Variants in DYSF observed in about 807,000 individuals in gnomAD.
DYSF encodes dystrophy-associated fer-1-like 1.
In DYSF, 212 loss-of-function variants were observed where a neutral mutation model predicts 274.9. The ratio of observed to expected loss-of-function variants is 0.77; its 90% CI spans 0.69 to 0.86. DYSF has a LOEUF of 0.86. DYSF is among the 40% of genes least tolerant of loss of function. DYSF has a pLI of 0.00. For synonymous variants in DYSF, 1,091 were observed against 1,078.7 expected (o/e 1.01, Z -0.22); for missense variants, 2,666 against 2,783.2 (o/e 0.96, Z 0.95).
chr2:71,470,204 T>A (rs1233181741), intron 1 of DYSF, among the ~76,000 whole-genome samples: 2 of 152,150 alleles, frequency 1.3e-5, no homozygotes, highest in African/African-American at 4.8e-5. Context: ...TCTTCTCTTC[T>A]TGATCTCCTG....
chr2:71,668,906 G>T, intron 49 of DYSF, 64 bp downstream of exon 49: 2 of 1,516,406 alleles, frequency 1.3e-6, no homozygotes, highest in Non-Finnish European at 1.8e-6. Flanking sequence ...GCCTGCTGTG[G>T]GCGGGACTAG....
rs1363249796 is a variant in DYSF, at chr2:71,574,311, T to A, written c.3342T>A (p.Arg1114=). Residue 1114 remains arginine, a synonymous_variant, in exon 30 of 56, where the codon CGT becomes CGA. Coordinates refer to ENST00000410020, the MANE Select transcript of DYSF (RefSeq NM_001130987.2). ...CCTTCCGCCGCCGCCGCTGGCGCCG[T>A]CGCATGGAGCCACTGGAGAAGACGG... ...TDAFRRRRWR[R]RMEPLEKTGP... 1.2e-6 allele frequency: 2 copies of A among 1,614,086 alleles called. No individual in the cohort carries two copies. Among genetic ancestry groups the A allele is most frequent in the Admixed American group, 3.3e-5 (2 of 60,024 alleles).
intron 26 of DYSF, 59 bp from the exon 27 acceptor site, chr2:71,569,761 A>T: frequency 2.1e-6 from 3 of 1,439,040 alleles, no homozygotes; most frequent in South Asian, 1.2e-5. Flanking sequence ...AGGAGGTGGT[A>T]GATGGATGGG....
In DYSF at chr2:71,600,739, C is replaced by A; in HGVS notation, c.3794C>A (p.Pro1265Gln). The A allele has an allele frequency of 6.2e-7, 1 of 1,614,110 alleles. No homozygotes were observed. Among genetic ancestry groups the A allele is most frequent in the Non-Finnish European group, 8.5e-7 (1 of 1,180,042 alleles). ...TTTATGGGTCGCTGCATCTGTCAAC[C>A]GAGTCTGGAACGGATGCCACGGCTG... Reference protein sequence around the residue: ...DEFMGRCICQPSLERMPRLAW... With the variant: ...DEFMGRCICQQSLERMPRLAW... Residue 1265 changes from proline (P) to glutamine (Q), a missense_variant, in exon 34 of 56, where the codon CCG becomes CAG. Physicochemically the swap from Pro to Gln is moderately conservative, Grantham distance 76. Transcript: ENST00000410020.
Position 71,526,096 on chromosome 2 carries a change from G to A in DYSF, c.1150-124G>A, listed in dbSNP as rs141549105. The A allele has an allele frequency of 2.7e-4, 418 of 1,554,462 alleles. 3 individuals are homozygous for A. In the African/African-American group the frequency reaches 5.1e-3, roughly 19 times the overall value. On this transcript the variant is annotated intron_variant, in intron 12 of 55. Transcript: ENST00000410020. ...CCGAGACCACGCGGTAGTAAGTGTC[G>A]GAGCGCAGTCTGCCTTACTGCAGAA...
At chr2:71,548,718 G>C (rs757947119) in intron 17 of DYSF, among the ~76,000 whole-genome samples, 22 of 152,204 alleles carry the variant, frequency 1.4e-4, no homozygotes, top group Admixed American at 3.3e-4. Context: ...ACAGTGTCTG[G>C]CTCTGTGATT....
Position 71,686,688 on chromosome 2 carries a change from C to T in DYSF, c.*196C>T. On this transcript the variant is annotated 3_prime_UTR_variant, in exon 56 of 56. Transcript: ENST00000410020. ...AGCTCTGAGATCACCCCACTTCCAT[C>T]ATTTCCTTCTCCCCCAACCCAACGC... is the stretch of plus-strand genomic sequence containing the variant. 4 of 659,852 alleles carry T rather than the reference C, an allele frequency of 6.1e-6. No homozygotes were observed. The highest frequency in any genetic ancestry group is 8.1e-6 in the Non-Finnish European group (3 of 368,800). 40.9% of individuals were successfully genotyped at this position (659,852 alleles called of 1,614,324 possible).
chr2:71,561,003 G>C (rs2091713888), intron 22 of DYSF, among the ~76,000 whole-genome samples: 1 of 152,224 alleles, frequency 6.6e-6, no homozygotes, highest in Non-Finnish European at 1.5e-5. Flanking sequence ...CCTTGGAATG[G>C]CGAGGAGGAG....
At position 71,553,066 on chromosome 2, in the gene DYSF, T is replaced by G. The variant is rs924563840; in HGVS notation, c.1862T>G (p.Met621Arg). ...SLFAAFYSAT[M>R]LQDVDDAIQF... ...TTTGCGGCCTTCTACTCAGCCACCA[T>G]GCTGCAGGATGTGGATGATGCCATC... Residue 621 changes from methionine to arginine, a missense_variant, in exon 20 of 56, where the codon ATG becomes AGG. Physicochemically the swap from Met to Arg is moderately conservative, Grantham distance 91 (BLOSUM62 -1). Around this residue, in one of 3 missense-constraint regions of DYSF, gnomAD observed 412 missense variants for 504.0 expected, o/e 0.82. Coordinates refer to ENST00000410020, the MANE Select transcript of DYSF (RefSeq NM_001130987.2). The G allele has an allele frequency of 1.2e-6, 2 of 1,614,116 alleles. No homozygotes were observed. Among genetic ancestry groups the G allele is most frequent in the African/African-American group, 2.7e-5 (2 of 74,948 alleles).
At position 71,511,886 on chromosome 2, in the gene DYSF, C is replaced by T; in HGVS notation, c.425C>T (p.Pro142Leu). Residue 142 changes from proline (P) to leucine (L), a missense_variant, in exon 5 of 56, where the codon CCC becomes CTC. Physicochemically the swap from Pro to Leu is moderately conservative, Grantham distance 98. This residue lies in a region of DYSF where 794 missense variants were observed against 777.1 expected (regional missense o/e 1.02). Transcript: ENST00000410020. ...PLFPPPTPLEPSPTLPDLDVV... is the reference protein window; with the variant it reads ...PLFPPPTPLELSPTLPDLDVV... ...TTCCCGCCCCCTACTCCTCTGGAGC[C>T]CTCCCCGACTCTGCCTGACCTGGAT... 1 of 1,551,426 alleles carries T rather than the reference C, an allele frequency of 6.4e-7. No homozygotes were observed. The highest frequency in any genetic ancestry group is 8.7e-7 in the Non-Finnish European group (1 of 1,146,836).
intron 12 of DYSF, among the ~76,000 whole-genome samples, chr2:71,523,165 C>T (rs1018262741): frequency 6.6e-6 from 1 of 152,228 alleles, no homozygotes; most frequent in Non-Finnish European, 1.5e-5. Context: ...GATCATCATG[C>T]AGCCTCCGTC....
intron 30 of DYSF, among the ~76,000 whole-genome samples, chr2:71,580,795 T>C (rs931771199): frequency 1.3e-5 from 2 of 152,182 alleles, no homozygotes; most frequent in African/African-American, 2.4e-5. Context: ...ACAATTTGGG[T>C]AACTCTAAAT....
At chr2:71,622,806 G>A (rs2094135164) in intron 41 of DYSF, among the ~76,000 whole-genome samples, 3 of 152,208 alleles carry the variant, frequency 2.0e-5, no homozygotes, top group Middle Eastern at 3.4e-3. Flanking sequence ...GTAGAGACAG[G>A]GTTTCACCAT....
At chr2:71,472,884 C>A (rs946193882) in intron 1 of DYSF, among the ~76,000 whole-genome samples, 8 of 152,128 alleles carry the variant, frequency 5.3e-5, no homozygotes, top group African/African-American at 1.9e-4. Context: ...ATAGATGTTT[C>A]TAGTATCTTC....
At chr2:71,564,904 C>T (rs973673453) in intron 24 of DYSF, among the ~76,000 whole-genome samples, 6 of 152,162 alleles carry the variant, frequency 3.9e-5, no homozygotes, top group African/African-American at 7.2e-5. Flanking sequence ...TAGGCTCATG[C>T]GCGGACATAG....
chr2:71,556,836 T>TAATATATGCAAATGTGTG (rs2091373470), intron 22 of DYSF, among the ~76,000 whole-genome samples: 1 of 152,202 alleles, frequency 6.6e-6, no homozygotes, highest in Non-Finnish European at 1.5e-5. Context: ...TCCACAGGGT[T>TAATATATGCAAATGTGTG]AATATATGCA....
chr2:71,506,400 C>T (rs1275577312), intron 4 of DYSF, among the ~76,000 whole-genome samples: 5 of 152,226 alleles, frequency 3.3e-5, no homozygotes, highest in East Asian at 3.9e-4. Context: ...CGAGGGCGAC[C>T]GAGGTTACCC....
chr2:71,636,636 T>A (rs866824955), intron 41 of DYSF, among the ~76,000 whole-genome samples: 3 of 152,096 alleles, frequency 2.0e-5, no homozygotes, highest in African/African-American at 7.2e-5. Flanking sequence ...CAGTGGGAGA[T>A]GTCACATGGG....
intron 1 of DYSF, among the ~76,000 whole-genome samples, chr2:71,479,584 GTAGAACCTACCC>G (rs1487146789): frequency 9.2e-5 from 14 of 152,170 alleles, no homozygotes; most frequent in African/African-American, 3.4e-4. Flanking sequence ...GCCCACTGCT[GTAGAACCTACCC>G]TAGGAGGAGG....
Sources: gnomAD v4.1 joint callset for allele counts (sites outside exome capture counted in the v4.1 genomes callset) on GRCh38, gnomAD v4.1.1 for gene constraint, gnomAD v4.1.1 regional missense constraint, MANE v1.5 for transcripts, NCBI Gene and HGNC (gene_info 2026-07-23, HGNC 2026-07-21) for gene names.